Variants in FARS2 observed in about 807,000 individuals in gnomAD.
FARS2 encodes phenylalanyl-tRNA synthetase 2, mitochondrial.
A neutral mutation model predicts 46.4 loss-of-function variants in FARS2; 40 were observed. That is an observed-to-expected ratio of 0.86 (90% CI 0.67 to 1.12). The LOEUF (loss-of-function observed/expected upper bound fraction) is 1.12. Ranked by LOEUF, FARS2 falls within the 50% of genes most tolerant of loss-of-function variation. FARS2 has a pLI of 0.00. For missense variants in FARS2, 513 were observed against 567.9 expected (o/e 0.90, Z 0.98); for synonymous variants, 234 against 214.9 (o/e 1.09, Z -0.78).
intron 1 of FARS2, among the ~76,000 whole-genome samples, chr6:5,312,411 T>C (rs1473077131): frequency 6.6e-6 from 1 of 152,132 alleles, no homozygotes; most frequent in Non-Finnish European, 1.5e-5. Context: ...TTTTCTTTAT[T>C]ATCTGAGGAC....
chr6:5,494,944 C>T (rs935319240), intron 4 of FARS2, among the ~76,000 whole-genome samples: 1 of 152,056 alleles, frequency 6.6e-6, no homozygotes, highest in African/African-American at 2.4e-5. Flanking sequence ...TCTTTTTGAC[C>T]CCTTTAAACA....
At chr6:5,401,745 C>A (rs563141290) in intron 2 of FARS2, among the ~76,000 whole-genome samples, 3 of 152,084 alleles carry the variant, frequency 2.0e-5, no homozygotes, top group Non-Finnish European at 4.4e-5. Context: ...AACTTCTTGA[C>A]CCACATTTTT....
intron 1 of FARS2, among the ~76,000 whole-genome samples, chr6:5,301,701 A>G (rs1768311731): frequency 6.6e-6 from 1 of 152,048 alleles, no homozygotes; most frequent in Admixed American, 6.6e-5. Context: ...GCGGAGTGGC[A>G]ACTAATATCA....
At position 5,755,199 on chromosome 6, in the gene FARS2, G is replaced by A. The variant is rs949554018; in HGVS notation, c.1218-16092G>A. Among the ~76,000 whole-genome samples the A allele has an allele frequency of 4.6e-5, 7 of 152,030 alleles. No individual in the cohort carries two copies. In the South Asian group the frequency reaches 1.2e-3, roughly 27 times the overall value. On this transcript the variant is annotated intron_variant, in intron 6 of 6. Coordinates refer to ENST00000274680, the MANE Select transcript of FARS2 (RefSeq NM_006567.5). The stretch of plus-strand genomic sequence containing the variant: ...TATTTTTATTTCCATACATTTTTAT[G>A]TAAGTCTTTTTTTATTATACTTTAA...
At chr6:5,452,970 C>G (rs1191682123) in intron 4 of FARS2, among the ~76,000 whole-genome samples, 4 of 151,986 alleles carry the variant, frequency 2.6e-5, no homozygotes, top group Non-Finnish European at 5.9e-5. Flanking sequence ...GCAGGGTGTG[C>G]GGTGGGCAAA....
At chr6:5,300,435 A>G (rs968406660) in intron 1 of FARS2, among the ~76,000 whole-genome samples, 6 of 152,132 alleles carry the variant, frequency 3.9e-5, no homozygotes, top group Admixed American at 3.9e-4. Flanking sequence ...GTTTTTTTTC[A>G]AAGAGAAGCA....
chr6:5,539,086 T>TG (rs746288775), intron 4 of FARS2, among the ~76,000 whole-genome samples: 1 of 152,076 alleles, frequency 6.6e-6, no homozygotes, highest in Non-Finnish European at 1.5e-5. Flanking sequence ...GTGTCCCTAC[T>TG]GACAGCCACA....
chr6:5,338,662 C>T (rs1771339535), intron 1 of FARS2, among the ~76,000 whole-genome samples: 1 of 149,246 alleles, frequency 6.7e-6, no homozygotes, highest in African/African-American at 2.5e-5. Flanking sequence ...TTGCAGGGCA[C>T]TTCATGGCAT....
chr6:5,393,177 G>A (rs991823201), intron 2 of FARS2, among the ~76,000 whole-genome samples: 5 of 151,776 alleles, frequency 3.3e-5, no homozygotes, highest in Admixed American at 1.3e-4. Context: ...TAGCTTGGTC[G>A]CAATAAATAA....
At position 5,312,862 on chromosome 6, in the gene FARS2, C is replaced by T. The variant is rs568464969; in HGVS notation, c.-22+51202C>T. On this transcript the variant is annotated intron_variant, in intron 1 of 6. Coordinates refer to ENST00000274680, the MANE Select transcript of FARS2 (RefSeq NM_006567.5). ...GCTTCCTGTTGGTGACTTGTGGTGA[C>T]GGTGGACACGTTCCTGCCCCCAAAG... is the stretch of plus-strand genomic sequence containing the variant. Among the ~76,000 whole-genome samples, 10 of 152,230 alleles carry T rather than the reference C, an allele frequency of 6.6e-5. 1 individual carries two copies. Among genetic ancestry groups the T allele is most frequent in the South Asian group, 4.2e-4 (2 of 4,812 alleles).
chr6:5,598,155 G>A (rs1228828681), intron 5 of FARS2, among the ~76,000 whole-genome samples: 1 of 152,162 alleles, frequency 6.6e-6, no homozygotes, highest in African/African-American at 2.4e-5. Context: ...GGGAGGCCAA[G>A]GTGGGAGGAT....
intron 1 of FARS2, among the ~76,000 whole-genome samples, chr6:5,358,348 A>T (rs1303089213): frequency 6.6e-6 from 1 of 152,178 alleles, no homozygotes; most frequent in Non-Finnish European, 1.5e-5. Flanking sequence ...TTAAATGCTG[A>T]ATATTATGGA....
At chr6:5,363,481 C>T (rs1248535359) in intron 1 of FARS2, among the ~76,000 whole-genome samples, 6 of 152,038 alleles carry the variant, frequency 3.9e-5, no homozygotes, top group South Asian at 4.2e-4. Flanking sequence ...CTTCTTCCCG[C>T]GTCTTCCACC....
chr6:5,443,929 C>T (rs1763983207), intron 4 of FARS2, among the ~76,000 whole-genome samples: 1 of 152,204 alleles, frequency 6.6e-6, no homozygotes, highest in African/African-American at 2.4e-5. Flanking sequence ...TTGGAAAGAA[C>T]TTGACTTTTT....
At chr6:5,479,081 C>A (rs1158057458) in intron 4 of FARS2, among the ~76,000 whole-genome samples, 1 of 152,160 alleles carries the variant, frequency 6.6e-6, no homozygotes, top group East Asian at 1.9e-4. Flanking sequence ...CGGGGTGAAC[C>A]CGTGAATCTG....
chr6:5,658,180 C>A (rs1451241623), intron 6 of FARS2, among the ~76,000 whole-genome samples: 1 of 151,414 alleles, frequency 6.6e-6, no homozygotes, highest in African/African-American at 2.4e-5. Flanking sequence ...TGCTTGAACC[C>A]GGAAGGTGGA....
rs371779833 is a variant in FARS2 at position 5,636,797 on chromosome 6, G to T, written c.1217+23477G>T. ...GCAGAGGCACCCTGGGAGCACAGAGGTGTCCTGTTTCTGTCCCTTGAGAGC... is the reference window on the plus strand; with the variant it reads ...GCAGAGGCACCCTGGGAGCACAGAGTTGTCCTGTTTCTGTCCCTTGAGAGC... On this transcript the variant is annotated intron_variant, in intron 6 of 6. Coordinates refer to ENST00000274680, the MANE Select transcript of FARS2 (RefSeq NM_006567.5). 1.1e-3 allele frequency among the ~76,000 whole-genome samples: 175 copies of T among 152,304 alleles called. 1 individual carries two copies. The South Asian group carries it at 0.024, about 21-fold the overall frequency.
intron 6 of FARS2, among the ~76,000 whole-genome samples, chr6:5,741,566 T>C (rs1761343479): frequency 6.6e-6 from 1 of 152,230 alleles, no homozygotes; most frequent in African/African-American, 2.4e-5. Flanking sequence ...ATGGGGTCTA[T>C]AACCCCTGTG....
At chr6:5,287,353 A>G (rs1028278658) in intron 1 of FARS2, among the ~76,000 whole-genome samples, 1 of 152,132 alleles carries the variant, frequency 6.6e-6, no homozygotes, top group African/African-American at 2.4e-5. Flanking sequence ...CCGTGTTATC[A>G]TCCTGTTCTA....
Sources: allele counts gnomAD v4.1 joint callset (sites outside exome capture counted in the v4.1 genomes callset), GRCh38; gene constraint gnomAD v4.1.1; transcripts MANE v1.5; gene names NCBI Gene and HGNC (gene_info 2026-07-23, HGNC 2026-07-21).